Variants in RBM25 observed in about 807,000 individuals in gnomAD.
RBM25 encodes the protein RNA-binding protein 25.
In RBM25, 19 loss-of-function variants were observed where a neutral mutation model predicts 120.7. The observed-to-expected ratio is 0.16, with a 90% CI of 0.11 to 0.23. RBM25 has a LOEUF of 0.23. RBM25 is among the 10% of genes least tolerant of loss of function. The probability of loss-of-function intolerance (pLI) is 1.00; values close to 1 mark genes in which losing one functional copy is unlikely to be tolerated. For synonymous variants in RBM25, 390 were observed against 326.7 expected, an observed-to-expected ratio of 1.19 and a Z score of -2.09; for missense variants, 605 against 1,041.5, an observed-to-expected ratio of 0.58 and a Z score of 5.77.
rs534638256 is a variant in RBM25 at position 73,106,277 on chromosome 14, A to C, written c.1459A>C (p.Arg487=). The C allele has an allele frequency of 6.7e-5, 106 of 1,591,362 alleles. No homozygotes were observed. Among genetic ancestry groups the C allele is most frequent in the Non-Finnish European group, 8.9e-5 (104 of 1,172,330 alleles). ...AGCTGAAAGAGAAGAAGAAAGAAGAAGAGAAATGGTAAGATTCTAGGCTAA... is the reference window on the plus strand; with the variant it reads ...AGCTGAAAGAGAAGAAGAAAGAAGACGAGAAATGGTAAGATTCTAGGCTAA... The part of the protein sequence containing the change: ...KEAEREEERR[R]EMAKEAKRLK... The change falls in exon 12 of 19, where the codon AGA becomes CGA. Residue 487 remains arginine, a synonymous_variant. Coordinates refer to ENST00000261973, the MANE Select transcript of RBM25 (RefSeq NM_021239.3).
At chr14:73,111,827 ATAT>A (rs1566601331) in intron 16 of RBM25, 25 bp downstream of exon 16, 1 of 1,552,688 alleles carries the variant, frequency 6.4e-7, no homozygotes, top group Admixed American at 2.1e-5. Context: ...ATATTTCATC[ATAT>A]TATTGGGAAC....
intron 17 of RBM25, among the ~76,000 whole-genome samples, chr14:73,113,387 G>A (rs1049724268): frequency 1.3e-5 from 2 of 150,306 alleles, no homozygotes; most frequent in Non-Finnish European, 3.0e-5. Flanking sequence ...CACACCAGCC[G>A]AAGATAAAGT....
At position 73,109,376 on chromosome 14, in the gene RBM25, G is replaced by A; in HGVS notation, c.1576G>A (p.Glu526Lys). The change falls in exon 14 of 19, where the codon GAA becomes AAA. Residue 526 changes from glutamate to lysine, a missense_variant. Around this residue, in one of 4 missense-constraint regions of RBM25, gnomAD observed 465 missense variants for 741.6 expected, o/e 0.63. Coordinates refer to ENST00000261973, the MANE Select transcript of RBM25 (RefSeq NM_021239.3). ...TCTTCAGAAAAGGTTGCGTGATAGAGAAAAGGAAATGGAAGCAGATGAACG... is the reference window on the plus strand; with the variant it reads ...TCTTCAGAAAAGGTTGCGTGATAGAAAAAAGGAAATGGAAGCAGATGAACG... ...SALQKRLRDR[E>K]KEMEADERDR... 6.2e-7 allele frequency: 1 copy of A among 1,614,110 alleles called. No homozygotes were observed. The highest frequency in any genetic ancestry group is 8.5e-7 in the Non-Finnish European group (1 of 1,180,006).
Position 73,110,877 on chromosome 14 carries a change from A to G in RBM25, c.1739A>G (p.Glu580Gly), listed in dbSNP as rs2140462295. 1 of 1,612,628 alleles carries G rather than the reference A, an allele frequency of 6.2e-7. No homozygotes were observed. The highest frequency in any genetic ancestry group is 2.2e-5 in the East Asian group (1 of 44,878). The change falls in exon 15 of 19, where the codon GAG (glutamate) becomes GGG (glycine). Residue 580 changes from glutamate to glycine, a missense_variant. By Grantham distance (98) the Glu-to-Gly change is moderately conservative. Transcript: ENST00000261973. ...ERRRQPQIKQ[E>G]PESEEEEEEK... ...CGCAGGCAGCCACAAATAAAGCAAG[A>G]GCCAGAATCAGAAGAGGAGGAAGAA...
At chr14:73,084,604 G>A (rs774117822) in intron 5 of RBM25, among the ~76,000 whole-genome samples, 1 of 152,076 alleles carries the variant, frequency 6.6e-6, no homozygotes, top group Non-Finnish European at 1.5e-5. Context: ...CCAGGCTGGA[G>A]TGCAGTGGTG....
Position 73,111,240 on chromosome 14 carries a change from A to G in RBM25, c.2017+85A>G, listed in dbSNP as rs1048849465. 5.1e-6 allele frequency: 6 copies of G among 1,186,912 alleles called. No individual in the cohort carries two copies. The African/African-American group carries it at 6.1e-5, about 12-fold the overall frequency. The allele number at this position is 1,186,912 out of a possible 1,614,324, so 73.5% of individuals were successfully genotyped here. ...TTGTGCTTTAAAGAAAAAAATTTAT[A>G]TTTGTGCTTGGTTAGGTAGATAGAA... On this transcript the variant is annotated intron_variant, in intron 15 of 18. Coordinates refer to ENST00000261973, the MANE Select transcript of RBM25 (RefSeq NM_021239.3).
chr14:73,067,948 A>G (rs984612777), intron 1 of RBM25, among the ~76,000 whole-genome samples: 4 of 152,210 alleles, frequency 2.6e-5, no homozygotes, highest in Middle Eastern at 6.8e-3. Context: ...TAAGATTTTG[A>G]ATCTCTTTGG....
intron 4 of RBM25, among the ~76,000 whole-genome samples, chr14:73,080,838 TA>T (rs1229578498): frequency 0.027 from 3,779 of 138,336 alleles, 66 homozygotes; most frequent in African/African-American, 0.064. Context: ...TTTTTTTTTT[TA>T]TTTGAGATGG....
Position 73,121,553 on chromosome 14 carries a change from A to C in RBM25, c.*1748A>C, listed in dbSNP as rs1055321200. On this transcript the variant is annotated 3_prime_UTR_variant, in exon 19 of 19. Transcript: ENST00000261973. The stretch of plus-strand genomic sequence containing the variant: ...GTTTCTCAACGGAAAATTTCAGAAA[A>C]GATGCCCCTTGCCATTTTCGTTAAT... The C allele has an allele frequency of 1.3e-5, 2 of 152,200 alleles. No individual in the cohort carries two copies. Among genetic ancestry groups the C allele is most frequent in the Non-Finnish European group, 2.9e-5 (2 of 68,038 alleles). The allele number at this position is 152,200 out of a possible 1,614,324, so 9.4% of individuals were successfully genotyped here.
At chr14:73,102,171 T>C (rs1896069490) in intron 9 of RBM25, 1 of 152,264 alleles carries the variant, frequency 6.6e-6, no homozygotes, top group African/African-American at 2.4e-5. Context: ...AAAATTTCAT[T>C]TTGGTGAAAC....
At chr14:73,091,270 G>A (rs956546882) in intron 6 of RBM25, among the ~76,000 whole-genome samples, 1 of 152,112 alleles carries the variant, frequency 6.6e-6, no homozygotes, top group African/African-American at 2.4e-5. Flanking sequence ...TGTCACCCAG[G>A]CTCGAGTGTG....
At chr14:73,103,157 G>C (rs1197644985) in intron 9 of RBM25, 35 bp from the exon 10 acceptor site, 1 of 1,590,898 alleles carries the variant, frequency 6.3e-7, no homozygotes, top group Non-Finnish European at 8.5e-7. Flanking sequence ...TGGAGCTACA[G>C]AGTTAACTCT....
intron 9 of RBM25, chr14:73,102,221 T>A (rs550235139): frequency 6.6e-6 from 1 of 152,368 alleles, no homozygotes; most frequent in East Asian, 1.9e-4. Context: ...TTTGTTTTGT[T>A]TTGTTTTACC....
chr14:73,084,087 G>A (rs373283307), intron 5 of RBM25, among the ~76,000 whole-genome samples: 9 of 151,880 alleles, frequency 5.9e-5, no homozygotes, highest in African/African-American at 1.9e-4. Context: ...TAGTAGAGAC[G>A]GGGTTTCACC....
chr14:73,110,577 C>A (rs1896290948), intron 14 of RBM25, among the ~76,000 whole-genome samples: 1 of 151,816 alleles, frequency 6.6e-6, no homozygotes, highest in South Asian at 2.1e-4. Context: ...TACAGGCGTG[C>A]ACCACCACAC....
chr14:73,116,908 A>G (rs1896439057), intron 18 of RBM25, among the ~76,000 whole-genome samples: 1 of 152,206 alleles, frequency 6.6e-6, no homozygotes, highest in Non-Finnish European at 1.5e-5. Context: ...GGGGCCTTGT[A>G]AATATTTCTT....
intron 6 of RBM25, among the ~76,000 whole-genome samples, chr14:73,094,734 G>C (rs1023019316): frequency 2.6e-5 from 4 of 151,994 alleles, no homozygotes; most frequent in African/African-American, 7.2e-5. Context: ...CACCATGTTG[G>C]TCAGGCTGGT....
chr14:73,111,950 C>G, intron 16 of RBM25, 148 bp downstream of exon 16: 1 of 1,190,346 alleles, frequency 8.4e-7, no homozygotes, highest in African/African-American at 1.5e-5. Context: ...ATGCCATGGT[C>G]AAGAAATTAG....
chr14:73,070,968 A>T (rs1895274252), intron 1 of RBM25, among the ~76,000 whole-genome samples: 1 of 146,872 alleles, frequency 6.8e-6, no homozygotes, highest in Middle Eastern at 3.7e-3. Flanking sequence ...AAGGCCAGGC[A>T]TGGTGGCTCA....
Sources: allele counts gnomAD v4.1 joint callset (sites outside exome capture counted in the v4.1 genomes callset), GRCh38; gene constraint gnomAD v4.1.1; regional missense constraint gnomAD v4.1.1; transcripts MANE v1.5; gene names NCBI Gene and HGNC (gene_info 2026-07-23, HGNC 2026-07-21).